The following SMAD1 variants were observed in gnomAD, a reference collection of about 807,000 sequenced individuals.
The protein encoded by SMAD1 is MAD, mothers against decapentaplegic homolog 1.
In SMAD1, 6 loss-of-function variants were observed where a neutral mutation model predicts 41.6. That is an observed-to-expected ratio of 0.14 (90% CI 0.08 to 0.28). The LOEUF (loss-of-function observed/expected upper bound fraction) is 0.28. Ranked by LOEUF, SMAD1 falls within the 10% of genes least tolerant of loss-of-function variation. SMAD1 has a pLI of 1.00. For missense variants in SMAD1, 379 were observed against 582.6 expected, an observed-to-expected ratio of 0.65 and a Z score of 3.60; for synonymous variants, 206 against 203.2, an observed-to-expected ratio of 1.01 and a Z score of -0.12.
At chr4:145,488,309 GTC>G (rs1044533479) in intron 1 of SMAD1, among the ~76,000 whole-genome samples, 146 of 152,134 alleles carry the variant, frequency 9.6e-4, no homozygotes, top group African/African-American at 3.3e-3. Flanking sequence ...GGAGAGAGGG[GTC>G]TCTCTGTTGA....
intron 2 of SMAD1, among the ~76,000 whole-genome samples, chr4:145,535,698 A>T (rs1056808733): frequency 3.9e-5 from 6 of 152,100 alleles, no homozygotes; most frequent in African/African-American, 1.4e-4. Context: ...AGGATGTTAA[A>T]ATTGGAGGAC....
intron 1 of SMAD1, among the ~76,000 whole-genome samples, chr4:145,499,524 G>T (rs1729301759): frequency 6.6e-6 from 1 of 152,148 alleles, no homozygotes; most frequent in African/African-American, 2.4e-5. Context: ...AGGAGGCTGA[G>T]GTAGGAGGAT....
chr4:145,523,146 A>G (rs1730843303), intron 2 of SMAD1, among the ~76,000 whole-genome samples: 1 of 152,248 alleles, frequency 6.6e-6, no homozygotes, highest in Admixed American at 6.5e-5. Context: ...CTTTTTATTC[A>G]GACATTTAAA....
At chr4:145,525,830 C>T (rs1730989992) in intron 2 of SMAD1, 2 of 152,188 alleles carry the variant, frequency 1.3e-5, no homozygotes, top group Admixed American at 1.3e-4. Context: ...GTGTAATTTC[C>T]TTGATAAAAG....
At chr4:145,530,045 G>T (rs1459182567) in intron 2 of SMAD1, among the ~76,000 whole-genome samples, 1 of 152,106 alleles carries the variant, frequency 6.6e-6, no homozygotes, top group Non-Finnish European at 1.5e-5. Flanking sequence ...CAAACATATT[G>T]AAAAAACATT....
chr4:145,511,466 C>T (rs1457518449), intron 1 of SMAD1, among the ~76,000 whole-genome samples: 2 of 152,242 alleles, frequency 1.3e-5, no homozygotes, highest in East Asian at 3.9e-4. Flanking sequence ...GAGATAGGGT[C>T]TTCCTGTGCT....
chr4:145,504,643 T>G (rs1729664403), intron 1 of SMAD1, among the ~76,000 whole-genome samples: 1 of 152,222 alleles, frequency 6.6e-6, no homozygotes, highest in Admixed American at 6.5e-5. Context: ...AGTTTCTGCC[T>G]CAGCCCTCTT....
At position 145,514,037 on chromosome 4, in the gene SMAD1, T is replaced by G. The variant is rs1422656713; in HGVS notation, c.-176-401T>G. On this transcript the variant is annotated intron_variant, in intron 1 of 6. Transcript: ENST00000302085. This position sits in a 1 kb window ranked among gnomAD's most constrained non-coding sequence, Gnocchi z 4.7. ...ACAGAAATAGATTTTCTCTTTGTTCTGGAGTCTGGAAAGTCCAAGATCAAG... is the reference window on the plus strand; with the variant it reads ...ACAGAAATAGATTTTCTCTTTGTTCGGGAGTCTGGAAAGTCCAAGATCAAG... Among the ~76,000 whole-genome samples the G allele has an allele frequency of 6.6e-6, 1 of 152,204 alleles. No homozygotes were observed. Among genetic ancestry groups the G allele is most frequent in the Non-Finnish European group, 1.5e-5 (1 of 68,020 alleles).
chr4:145,515,156 G>GTA (rs1389235442), intron 2 of SMAD1, 143 bp downstream of exon 2: 1 of 705,924 alleles, frequency 1.4e-6, no homozygotes, highest in Non-Finnish European at 2.3e-6. Context: ...GTGTGTGTGT[G>GTA]TGTGTGTGTG....
intron 2 of SMAD1, among the ~76,000 whole-genome samples, chr4:145,517,661 A>ACGCTGGTCTCGAAGTCC (rs1578778733): frequency 1.5e-5 from 2 of 132,722 alleles, no homozygotes; most frequent in African/African-American, 2.5e-5. Flanking sequence ...TCATTTGGCC[A>ACGCTGGTCTCGAAGTCC]TTTTTTTAGT....
chr4:145,543,574 A>C (rs1357665773), intron 4 of SMAD1, among the ~76,000 whole-genome samples: 1 of 152,196 alleles, frequency 6.6e-6, no homozygotes, highest in Non-Finnish European at 1.5e-5. Flanking sequence ...GCAGAAATGA[A>C]AAATTTCTTT....
Position 145,506,965 on chromosome 4 carries a change from A to G in SMAD1, c.-176-7473A>G, listed in dbSNP as rs79065697. Among the ~76,000 whole-genome samples the G allele has an allele frequency of 7.2e-3, 1,096 of 152,304 alleles. 14 individuals are homozygous for G. Among genetic ancestry groups the G allele is most frequent in the African/African-American group, 0.024 (1,012 of 41,572 alleles). On this transcript the variant is annotated intron_variant, in intron 1 of 6. Coordinates refer to ENST00000302085, the MANE Select transcript of SMAD1 (RefSeq NM_005900.3). ...AAATTAATTAGCCGTGTCGAGTAGT[A>G]TAAGAGTATTTTTCTAATTTCACTT...
chr4:145,501,392 A>T (rs1055458842), intron 1 of SMAD1, among the ~76,000 whole-genome samples: 12 of 152,214 alleles, frequency 7.9e-5, no homozygotes, highest in Admixed American at 2.0e-4. Context: ...TATAACTTGT[A>T]AAGATGTTTC....
chr4:145,496,336 T>C (rs954663791), intron 1 of SMAD1, among the ~76,000 whole-genome samples: 5 of 152,176 alleles, frequency 3.3e-5, no homozygotes, highest in African/African-American at 1.2e-4. Flanking sequence ...TAACTTTTTT[T>C]GTGCCTCAGT....
intron 1 of SMAD1, among the ~76,000 whole-genome samples, chr4:145,495,185 A>T (rs528340793): frequency 1.7e-4 from 26 of 152,288 alleles, no homozygotes; most frequent in Middle Eastern, 3.4e-3. Context: ...GCAGCCAAAC[A>T]TCCTGTAATG....
At chr4:145,550,032 A>T (rs1387785188) in intron 5 of SMAD1, among the ~76,000 whole-genome samples, 1 of 152,208 alleles carries the variant, frequency 6.6e-6, no homozygotes, top group African/African-American at 2.4e-5. Flanking sequence ...CTCCTAAAAC[A>T]TTATTAAGAA....
chr4:145,496,537 G>A (rs766839234), intron 1 of SMAD1, among the ~76,000 whole-genome samples: 1 of 152,152 alleles, frequency 6.6e-6, no homozygotes, highest in Non-Finnish European at 1.5e-5. Flanking sequence ...ATAGAGGTTC[G>A]AACCGCAGGA....
At chr4:145,510,869 CTG>C (rs1730037244) in intron 1 of SMAD1, among the ~76,000 whole-genome samples, 1 of 152,092 alleles carries the variant, frequency 6.6e-6, no homozygotes, top group Non-Finnish European at 1.5e-5. Context: ...GAATTTGAGA[CTG>C]TTATTATTTA....
intron 2 of SMAD1, among the ~76,000 whole-genome samples, chr4:145,528,060 TACACACACAC>T (rs35710925): frequency 7.1e-4 from 101 of 142,152 alleles, no homozygotes; most frequent in African/African-American, 2.1e-3. Context: ...TTTTTGTTTG[TACACACACAC>T]ACACACACAC....
Sources: allele counts gnomAD v4.1 joint callset (sites outside exome capture counted in the v4.1 genomes callset), GRCh38; gene constraint gnomAD v4.1.1; non-coding constraint Gnocchi (gnomAD v3.1); transcripts MANE v1.5; gene names NCBI Gene and HGNC (gene_info 2026-07-23, HGNC 2026-07-21).